Variants in AGBL1 observed in about 807,000 individuals in gnomAD.
The protein encoded by AGBL1 is AGBL carboxypeptidase 1, also known as cytosolic carboxypeptidase 4.
In AGBL1, 130 loss-of-function variants were observed where a neutral mutation model predicts 118.9. The observed-to-expected ratio is 1.09, with a 90% CI of 0.95 to 1.26. The LOEUF is 1.26. Among genes scored for constraint, AGBL1 ranks in the 50% most tolerant of loss-of-function variants. The probability of loss-of-function intolerance (pLI) is 0.00; values close to 1 mark genes in which losing one functional copy is unlikely to be tolerated. For missense variants in AGBL1, 1,584 were observed against 1,298.1 expected, an observed-to-expected ratio of 1.22 and a Z score of -3.38; for synonymous variants, 555 against 478.9, an observed-to-expected ratio of 1.16 and a Z score of -2.08.
At chr15:86,745,798 G>C (rs1478335970) in intron 22 of AGBL1, among the ~76,000 whole-genome samples, 2 of 152,040 alleles carry the variant, frequency 1.3e-5, no homozygotes, top group Non-Finnish European at 2.9e-5. Flanking sequence ...TGTTAACGCA[G>C]TAAGATCTAT....
chr15:86,397,661 T>G, intron 18 of AGBL1, 115 bp downstream of exon 18: 1 of 988,182 alleles, frequency 1.0e-6, no homozygotes, highest in Non-Finnish European at 1.5e-6. Flanking sequence ...GAATAAACTC[T>G]TGGTTTTCTG....
chr15:86,443,723 A>G (rs1450580749), intron 18 of AGBL1, among the ~76,000 whole-genome samples: 3 of 152,096 alleles, frequency 2.0e-5, no homozygotes, highest in African/African-American at 7.2e-5. Flanking sequence ...TGCTTGCCCT[A>G]TTTTACCAAA....
chr15:86,479,248 A>C (rs564038173), intron 18 of AGBL1, among the ~76,000 whole-genome samples: 12 of 152,334 alleles, frequency 7.9e-5, no homozygotes, highest in African/African-American at 2.9e-4. Context: ...TAATTAAACT[A>C]AAGAGCTTCT....
chr15:86,164,978 C>T (rs188491637), intron 5 of AGBL1, among the ~76,000 whole-genome samples: 9 of 152,316 alleles, frequency 5.9e-5, no homozygotes, highest in Admixed American at 2.6e-4. Flanking sequence ...TTAGTATCCC[C>T]ACCTTCTTAA....
intron 17 of AGBL1, among the ~76,000 whole-genome samples, chr15:86,357,391 G>A (rs148797905): frequency 3.9e-5 from 6 of 152,246 alleles, no homozygotes; most frequent in Middle Eastern, 3.4e-3. Context: ...TAGAATTGGC[G>A]CAACATTGGA....
At chr15:86,382,849 C>A (rs1408704860) in intron 17 of AGBL1, among the ~76,000 whole-genome samples, 1 of 152,050 alleles carries the variant, frequency 6.6e-6, no homozygotes, top group Non-Finnish European at 1.5e-5. Flanking sequence ...AGCAGCAAGG[C>A]CACTTCCCTT....
intron 23 of AGBL1, among the ~76,000 whole-genome samples, chr15:86,984,793 A>C (rs2081265388): frequency 6.6e-6 from 1 of 152,160 alleles, no homozygotes; most frequent in Non-Finnish European, 1.5e-5. Flanking sequence ...TGTCATTAAA[A>C]AAATATCCAT....
chr15:86,815,192 C>T (rs553478076), intron 22 of AGBL1, among the ~76,000 whole-genome samples: 8 of 152,228 alleles, frequency 5.3e-5, no homozygotes, highest in African/African-American at 1.9e-4. Flanking sequence ...GACTTAAGTA[C>T]TTTGTGCTCA....
At chr15:86,550,776 T>G (rs901333111) in intron 20 of AGBL1, among the ~76,000 whole-genome samples, 2 of 152,092 alleles carry the variant, frequency 1.3e-5, no homozygotes, top group Non-Finnish European at 2.9e-5. Context: ...AACAAAAGAA[T>G]GTATATTCTT....
chr15:86,852,302 C>T (rs2079418763), intron 22 of AGBL1, among the ~76,000 whole-genome samples: 1 of 152,128 alleles, frequency 6.6e-6, no homozygotes. Flanking sequence ...ATTGTGAGAA[C>T]AGCATGGGGG....
chr15:86,656,146 A>C (rs1011429894), intron 21 of AGBL1, among the ~76,000 whole-genome samples: 2 of 152,196 alleles, frequency 1.3e-5, no homozygotes, highest in Non-Finnish European at 2.9e-5. Context: ...ACATATTTCT[A>C]CTGGCCTTTG....
intron 21 of AGBL1, among the ~76,000 whole-genome samples, chr15:86,662,188 T>C (rs1022587412): frequency 6.6e-5 from 10 of 152,220 alleles, no homozygotes; most frequent in African/African-American, 2.2e-4. Context: ...TAAATGTGCA[T>C]ACACACACAT....
chr15:86,142,808 G>T (rs1359585414), intron 2 of AGBL1, among the ~76,000 whole-genome samples: 1 of 152,164 alleles, frequency 6.6e-6, no homozygotes, highest in African/African-American at 2.4e-5. Flanking sequence ...CGTCTTCTGG[G>T]ATAGTGCTGT....
rs1041303152 is a variant in AGBL1 at position 86,817,610 on chromosome 15, G to A, written c.3159-89477G>A. Among the ~76,000 whole-genome samples, 10 of 144,032 alleles carry A rather than the reference G, an allele frequency of 6.9e-5. No individual in the cohort carries two copies. In the South Asian group the frequency reaches 8.9e-4, roughly 13 times the overall value. The allele number at this position is 144,032 out of a possible 152,430, so 94.5% of individuals were successfully genotyped here. On this transcript the variant is annotated intron_variant, in intron 22 of 22. Coordinates refer to ENST00000614907, the MANE Select transcript of AGBL1 (RefSeq NM_001386094.1). The stretch of plus-strand genomic sequence containing the variant: ...CACACACACAGAGGAGAGAGAGAGA[G>A]AAAAAGAGACAGGCATACACACACA...
At chr15:86,097,537 T>C in intron 1 of AGBL1, among the ~76,000 whole-genome samples, 1 of 143,796 alleles carries the variant, frequency 7.0e-6, no homozygotes, top group Non-Finnish European at 1.5e-5. Context: ...GAGATCCACT[T>C]TTTTTTTTTT....
At chr15:86,205,727 A>G (rs1033034309) in intron 5 of AGBL1, among the ~76,000 whole-genome samples, 3 of 152,130 alleles carry the variant, frequency 2.0e-5, no homozygotes, top group African/African-American at 4.8e-5. Context: ...ATCTTTCCCT[A>G]TGCTTTGACA....
intron 17 of AGBL1, among the ~76,000 whole-genome samples, chr15:86,302,340 A>G (rs2079762142): frequency 6.6e-6 from 1 of 152,176 alleles, no homozygotes; most frequent in Non-Finnish European, 1.5e-5. Context: ...TATTTTATGG[A>G]TGATAAAAAT....
chr15:86,807,962 A>G (rs982099212), intron 22 of AGBL1, among the ~76,000 whole-genome samples: 4 of 152,260 alleles, frequency 2.6e-5, no homozygotes, highest in Admixed American at 2.6e-4. Flanking sequence ...TTGCATAAAC[A>G]TGGGCAAGCT....
intron 5 of AGBL1, among the ~76,000 whole-genome samples, chr15:86,195,844 T>C (rs1416859787): frequency 6.6e-6 from 1 of 152,238 alleles, no homozygotes; most frequent in Non-Finnish European, 1.5e-5. Context: ...TTTATTTATT[T>C]TTTTGTTTAA....
Sources: gnomAD v4.1 joint callset for allele counts (sites outside exome capture counted in the v4.1 genomes callset) on GRCh38, gnomAD v4.1.1 for gene constraint, MANE v1.5 for transcripts, NCBI Gene and HGNC (gene_info 2026-07-23, HGNC 2026-07-21) for gene names.